RBM5: variants seen among roughly 807,000 people sequenced by gnomAD.
RBM5 encodes the protein RNA-binding protein 5.
Under a neutral mutation model 124.6 loss-of-function variants are expected in RBM5, and 15 were observed. The ratio of observed to expected loss-of-function variants is 0.12; its 90% CI spans 0.08 to 0.19. The LOEUF (loss-of-function observed/expected upper bound fraction) is 0.19. RBM5 is among the 10% of genes least tolerant of loss of function. RBM5 has a pLI of 1.00. For synonymous variants in RBM5, 337 were observed against 361.2 expected, an observed-to-expected ratio of 0.93 and a Z score of 0.76; for missense variants, 580 against 1,026.5, an observed-to-expected ratio of 0.57 and a Z score of 5.94.
In RBM5 at chr3:50,100,127, TCCCC is replaced by T. The variant is rs2090910470; in HGVS notation, c.409+78_409+81del. On this transcript the variant is annotated intron_variant, in intron 5 of 24. Coordinates refer to ENST00000347869, the MANE Select transcript of RBM5 (RefSeq NM_005778.4). The surrounding 1 kb of genome is among the most constrained non-coding windows in gnomAD (Gnocchi z 5.1). The stretch of plus-strand genomic sequence containing the variant: ...CTCAGTCCCTAAAGAACATCCTGAT[TCCCC>T]CAGTCTTCAAGCACATGAATTCAGA... 1.1e-5 allele frequency: 14 copies of T among 1,283,954 alleles called. No homozygotes were observed. The highest frequency in any genetic ancestry group is 2.0e-5 in the Admixed American group (1 of 50,228). The allele number at this position is 1,283,954 out of a possible 1,614,324, so 79.5% of individuals were successfully genotyped here.
chr3:50,112,076 T>A (rs2091154562), intron 17 of RBM5: 1 of 148,278 alleles, frequency 6.7e-6, no homozygotes, highest in Non-Finnish European at 1.5e-5. Flanking sequence ...TTTTTTTTTT[T>A]TTTTTCCCGT....
rs766796657 is a variant in RBM5 at position 50,092,220 on chromosome 3, G to A, written c.183+12G>A. On this transcript the variant is annotated intron_variant, in intron 3 of 24. Coordinates refer to ENST00000347869, the MANE Select transcript of RBM5 (RefSeq NM_005778.4). ...ATGACAGTCCAGAGGTGAGTGACCA[G>A]CGGCTGTATAACCCCCCAAAACACT... is the stretch of plus-strand genomic sequence containing the variant. 11 of 1,610,120 alleles carry A rather than the reference G, an allele frequency of 6.8e-6. No homozygotes were observed. The highest frequency in any genetic ancestry group is 1.7e-4 in the Middle Eastern group (1 of 5,968).
chr3:50,112,412 T>C (rs1369201273), intron 17 of RBM5, among the ~76,000 whole-genome samples: 6 of 55,000 alleles, frequency 1.1e-4, no homozygotes, highest in African/African-American at 5.5e-4. Flanking sequence ...CGAGACTCTG[T>C]CTAAAAAAAA....
In RBM5 at chr3:50,105,720, C is replaced by T. The variant is rs2091014926; in HGVS notation, c.855+11C>T. On this transcript the variant is annotated intron_variant, in intron 10 of 24. Coordinates refer to ENST00000347869, the MANE Select transcript of RBM5 (RefSeq NM_005778.4). ...CTGTCCTCTGCAATGGTGAGGTTCT[C>T]ATCGATTCTTTCCTTTTTAAAAGAA... is the stretch of plus-strand genomic sequence containing the variant. 6.2e-7 allele frequency: 1 copy of T among 1,611,460 alleles called. No individual in the cohort carries two copies. Among genetic ancestry groups the T allele is most frequent in the East Asian group, 2.2e-5 (1 of 44,852 alleles).
chr3:50,106,255 C>T (rs1206991847), intron 10 of RBM5, among the ~76,000 whole-genome samples: 1 of 150,850 alleles, frequency 6.6e-6, no homozygotes, highest in Non-Finnish European at 1.5e-5. Context: ...ATTCTCCCGC[C>T]TCAGCCTCCT....
chr3:50,118,297 T>C, intron 24 of RBM5, 34 bp from the exon 25 acceptor site: 1 of 1,613,356 alleles, frequency 6.2e-7, no homozygotes, highest in Non-Finnish European at 8.5e-7. Context: ...GCCCATACCC[T>C]ACCTCCCAGC....
At chr3:50,093,386 C>T (rs1319989742) in intron 3 of RBM5, among the ~76,000 whole-genome samples, 12 of 149,556 alleles carry the variant, frequency 8.0e-5, no homozygotes, top group African/African-American at 2.7e-4. Flanking sequence ...TTGCAGTGAG[C>T]AGAGATCATC....
Position 50,100,477 on chromosome 3 carries a change from TA to T in RBM5, c.410-54del. ...AGCAGTGGGAGAGAGATTCACCTGT[TA>T]TAAAGGAACTGACTAACACAAGTAT... On this transcript the variant is annotated intron_variant, in intron 5 of 24. Transcript: ENST00000347869. This position sits in a 1 kb window ranked among gnomAD's most constrained non-coding sequence, Gnocchi z 5.1. The T allele has an allele frequency of 4.8e-6, 7 of 1,445,520 alleles. No individual in the cohort carries two copies. The highest frequency in any genetic ancestry group is 6.8e-6 in the Non-Finnish European group (7 of 1,030,518). The allele number at this position is 1,445,520 out of a possible 1,614,324, so 89.5% of individuals were successfully genotyped here.
chr3:50,089,362 G>A (rs959869766), intron 1 of RBM5, among the ~76,000 whole-genome samples: 1 of 152,236 alleles, frequency 6.6e-6, no homozygotes, highest in African/African-American at 2.4e-5. Flanking sequence ...GCAGTCTCTG[G>A]CCGCCATCCC....
In RBM5 at chr3:50,100,089, TC is replaced by T; in HGVS notation, c.409+42del. 6.4e-7 allele frequency: 1 copy of T among 1,571,032 alleles called. No homozygotes were observed. Among genetic ancestry groups the T allele is most frequent in the Non-Finnish European group, 8.7e-7 (1 of 1,144,672 alleles). ...TTAGTTCCTGATATTATTGTTCTCTTCCCCATTCCCACCTCAGTCCCTAAAG... is the reference window on the plus strand; with the variant it reads ...TTAGTTCCTGATATTATTGTTCTCTTCCCATTCCCACCTCAGTCCCTAAAG... On this transcript the variant is annotated intron_variant, in intron 5 of 24. Transcript: ENST00000347869. The surrounding 1 kb of genome is among the most constrained non-coding windows in gnomAD (Gnocchi z 5.1).
At chr3:50,118,090 C>A (rs577680750) in intron 24 of RBM5, 101 of 552,324 alleles carry the variant, frequency 1.8e-4, no homozygotes, top group African/African-American at 1.8e-3. Flanking sequence ...GGCGTGGATG[C>A]TTGCTGAGCA....
Position 50,100,099 on chromosome 3 carries a change from C to T in RBM5, c.409+48C>T. 1 of 1,524,024 alleles carries T rather than the reference C, an allele frequency of 6.6e-7. No homozygotes were observed. The highest frequency in any genetic ancestry group is 2.3e-5 in the East Asian group (1 of 44,192). The allele number at this position is 1,524,024 out of a possible 1,614,324, so 94.4% of individuals were successfully genotyped here. A position where few individuals can be genotyped will look rare whatever the true frequency, so the allele number is the denominator to read the frequency against. On this transcript the variant is annotated intron_variant, in intron 5 of 24. Coordinates refer to ENST00000347869, the MANE Select transcript of RBM5 (RefSeq NM_005778.4). The surrounding 1 kb of genome is among the most constrained non-coding windows in gnomAD (Gnocchi z 5.1). The stretch of plus-strand genomic sequence containing the variant: ...ATATTATTGTTCTCTTCCCCATTCC[C>T]ACCTCAGTCCCTAAAGAACATCCTG...
At chr3:50,116,587 T>G (rs572827545) in intron 22 of RBM5, 1 of 182,362 alleles carries the variant, frequency 5.5e-6, no homozygotes, top group Admixed American at 5.4e-5. Flanking sequence ...TGTTTGTAGT[T>G]AAGGCTTTTG....
intron 20 of RBM5, 175 bp downstream of exon 20, chr3:50,114,426 A>G: frequency 1.7e-6 from 1 of 588,934 alleles, no homozygotes; most frequent in South Asian, 2.5e-5. Flanking sequence ...GTTTTCTGTG[A>G]GAGCAGATGA....
intron 6 of RBM5, chr3:50,102,768 A>T (rs1234437697): frequency 6.2e-6 from 2 of 324,014 alleles, no homozygotes; most frequent in Non-Finnish European, 1.1e-5. Context: ...GTAGACTGTC[A>T]CACTCAGGCA....
chr3:50,098,056 C>T (rs1422601932), intron 4 of RBM5, among the ~76,000 whole-genome samples: 1 of 152,074 alleles, frequency 6.6e-6, no homozygotes, highest in Non-Finnish European at 1.5e-5. Context: ...GAGATCATGC[C>T]ATTGCTCTCC....
chr3:50,097,935 A>G (rs2108993609), intron 4 of RBM5, among the ~76,000 whole-genome samples: 1 of 152,200 alleles, frequency 6.6e-6, no homozygotes. Flanking sequence ...ACCCCTCTCT[A>G]CTAAAATATA....
intron 16 of RBM5, 81 bp from the exon 17 acceptor site, chr3:50,110,598 G>C (rs1686628103): frequency 6.9e-7 from 1 of 1,446,844 alleles, no homozygotes; most frequent in African/African-American, 1.4e-5. Context: ...CATTAGGCCT[G>C]CTGCATCTCA....
Position 50,117,658 on chromosome 3 carries a change from G to A in RBM5, c.2322+279G>A. 1 of 274,508 alleles carries A rather than the reference G, an allele frequency of 3.6e-6. No individual in the cohort carries two copies. The highest frequency in any genetic ancestry group is 7.0e-6 in the Non-Finnish European group (1 of 142,100). The allele number at this position is 274,508 out of a possible 1,614,324, so 17.0% of individuals were successfully genotyped here. A position where few individuals can be genotyped will look rare whatever the true frequency, so the allele number is the denominator to read the frequency against. On this transcript the variant is annotated intron_variant, in intron 24 of 24. Transcript: ENST00000347869. The surrounding 1 kb of genome is among the most constrained non-coding windows in gnomAD (Gnocchi z 4.2). Reference sequence around the variant, plus strand: ...TAACTGGACGTGGCAGCGTGTGCCTGTAATCCCAGCTAGTCAGGAAGCTGA... The same window carrying A: ...TAACTGGACGTGGCAGCGTGTGCCTATAATCCCAGCTAGTCAGGAAGCTGA...
Sources: allele counts gnomAD v4.1 joint callset (sites outside exome capture counted in the v4.1 genomes callset), GRCh38; gene constraint gnomAD v4.1.1; non-coding constraint Gnocchi (gnomAD v3.1); transcripts MANE v1.5; gene names NCBI Gene and HGNC (gene_info 2026-07-23, HGNC 2026-07-21).